LIPG: variants seen among roughly 807,000 people sequenced by gnomAD.
LIPG encodes lipase G, endothelial type.
A neutral mutation model predicts 51.8 loss-of-function variants in LIPG; 34 were observed. That is an observed-to-expected ratio of 0.66 (90% CI 0.50 to 0.87). LIPG has a LOEUF of 0.87. Ranked by LOEUF, LIPG falls within the 40% of genes least tolerant of loss-of-function variation. LIPG has a pLI of 0.00. For missense variants in LIPG, 580 were observed against 652.7 expected, an observed-to-expected ratio of 0.89 and a Z score of 1.21; for synonymous variants, 246 against 246.1, an observed-to-expected ratio of 1.00 and a Z score of 0.00.
intron 6 of LIPG, 94 bp from the exon 7 acceptor site, chr18:49,582,268 C>A (rs1199860509): frequency 3.2e-6 from 5 of 1,544,400 alleles, no homozygotes; most frequent in Non-Finnish European, 4.5e-6. Context: ...AACACCAGCC[C>A]TAAAATCTCT....
chr18:49,581,017 A>T (rs2084812950), intron 5 of LIPG, among the ~76,000 whole-genome samples: 1 of 152,104 alleles, frequency 6.6e-6, no homozygotes, highest in South Asian at 2.1e-4. Context: ...CCAGCACTTT[A>T]GGAGGCGAAG....
At chr18:49,567,757 G>GAATT in intron 3 of LIPG, 136 bp downstream of exon 3, 1 of 825,590 alleles carries the variant, frequency 1.2e-6, no homozygotes. Context: ...AAGTTTTATT[G>GAATT]AATTAAGTAT....
intron 3 of LIPG, among the ~76,000 whole-genome samples, chr18:49,568,977 T>C (rs2084635381): frequency 6.6e-6 from 1 of 152,130 alleles, no homozygotes; most frequent in Non-Finnish European, 1.5e-5. Flanking sequence ...GGGTCCCACA[T>C]GGGCTTGTGA....
chr18:49,583,899 C>T, intron 8 of LIPG, 125 bp downstream of exon 8: 2 of 841,264 alleles, frequency 2.4e-6, no homozygotes, highest in Admixed American at 2.5e-5. Context: ...GGTAAAACTT[C>T]AAACACCTTT....
intron 8 of LIPG, among the ~76,000 whole-genome samples, 195 bp from the exon 9 acceptor site, chr18:49,586,551 G>A (rs960787900): frequency 2.0e-5 from 3 of 152,172 alleles, no homozygotes; most frequent in South Asian, 2.1e-4. Context: ...GCATGAGGCC[G>A]AATCATGGAA....
intron 1 of LIPG, among the ~76,000 whole-genome samples, chr18:49,564,849 A>T (rs78346464): frequency 1.4e-3 from 207 of 152,290 alleles, no homozygotes; most frequent in Middle Eastern, 6.8e-3. Context: ...AAATATTAGG[A>T]TGTTTGATCC....
intron 4 of LIPG, among the ~76,000 whole-genome samples, chr18:49,574,541 G>C (rs2084695433): frequency 6.6e-6 from 1 of 152,082 alleles, no homozygotes; most frequent in Non-Finnish European, 1.5e-5. Flanking sequence ...TCTGCTACCT[G>C]TCCGTTTCCC....
chr18:49,567,625 C>G lies in LIPG; in HGVS notation c.459+4C>G. The G allele has an allele frequency of 6.2e-7, 1 of 1,613,620 alleles. No homozygotes were observed. Among genetic ancestry groups the G allele is most frequent in the South Asian group, 1.1e-5 (1 of 91,056 alleles). On this transcript the variant is annotated splice_donor_region_variant and intron_variant, in intron 3 of 9. Coordinates refer to ENST00000261292, the MANE Select transcript of LIPG (RefSeq NM_006033.4). Reference sequence around the variant, plus strand: ...CAGGATGCTCGACTGGCTGCAGGTACTGGGGGATGAGAGGGAGTCTCCTGT... The same window carrying G: ...CAGGATGCTCGACTGGCTGCAGGTAGTGGGGGATGAGAGGGAGTCTCCTGT...
At chr18:49,569,596 C>A (rs551465253) in intron 4 of LIPG, 48 bp downstream of exon 4, 3 of 1,423,200 alleles carry the variant, frequency 2.1e-6, no homozygotes, top group African/African-American at 1.4e-5. Flanking sequence ...TGCGCTAAGC[C>A]GGAATGCTCC....
chr18:49,579,764 C>CTTTTCTTTTCT (rs1555778417), intron 5 of LIPG, among the ~76,000 whole-genome samples: 2 of 112,204 alleles, frequency 1.8e-5, no homozygotes, highest in Non-Finnish European at 3.4e-5. Context: ...CTTTCCTTTC[C>CTTTTCTTTTCT]TTTCTTTTCT....
In LIPG at chr18:49,586,825, G is replaced by A. The variant is rs886512446; in HGVS notation, c.1456G>A (p.Gly486Ser). Residue 486 changes from glycine (G) to serine (S), a missense_variant, in exon 9 of 10, where the codon GGC becomes AGC. Transcript: ENST00000261292. ...RELWFRKCRDGWRMKNETSPT... is the reference protein window; with the variant it reads ...RELWFRKCRDSWRMKNETSPT... ...GCTCTGGTTTCGCAAGTGTCGGGAT[G>A]GCTGGAGGATGAAAAACGAAACCAG... is the stretch of plus-strand genomic sequence containing the variant. 1.2e-6 allele frequency: 2 copies of A among 1,613,994 alleles called. No homozygotes were observed. The highest frequency in any genetic ancestry group is 2.7e-5 in the African/African-American group (2 of 74,926).
chr18:49,585,379 C>G (rs1045702179), intron 8 of LIPG, among the ~76,000 whole-genome samples: 41 of 152,204 alleles, frequency 2.7e-4, no homozygotes, highest in African/African-American at 9.2e-4. Flanking sequence ...GTACTTCTGT[C>G]TGTGTACATA....
At chr18:49,580,145 A>G (rs1026854956) in intron 5 of LIPG, among the ~76,000 whole-genome samples, 2 of 152,150 alleles carry the variant, frequency 1.3e-5, no homozygotes, top group Admixed American at 6.6e-5. Flanking sequence ...GCTGGTGCCA[A>G]TGAGGCAGGG....
chr18:49,577,668 C>G (rs1352607557), intron 5 of LIPG, among the ~76,000 whole-genome samples: 24 of 111,934 alleles, frequency 2.1e-4, no homozygotes, highest in Admixed American at 9.0e-4. Flanking sequence ...ACCTCCCTCC[C>G]GGACGGCACG....
At chr18:49,575,841 C>CTT (rs1301704194) in intron 5 of LIPG, among the ~76,000 whole-genome samples, 2 of 141,886 alleles carry the variant, frequency 1.4e-5, no homozygotes, top group African/African-American at 5.2e-5. Context: ...CTTTTTCTTT[C>CTT]TTTTTTTTTT....
At position 49,562,275 on chromosome 18, in the gene LIPG, TTC is replaced by T. The variant is rs754618029; in HGVS notation, c.-32_-31del. On this transcript the variant is annotated 5_prime_UTR_variant, in exon 1 of 10. Transcript: ENST00000261292. ...AGAGGTGGTTTTTGTTTTTTAAAAC[TTC>T]TGTTTCTTGGGAGGGGGTGTGGCGG... is the stretch of plus-strand genomic sequence containing the variant. The T allele has an allele frequency of 4.3e-6, 7 of 1,612,602 alleles. No individual in the cohort carries two copies. In the African/African-American group the frequency reaches 5.3e-5, roughly 12 times the overall value.
At position 49,562,116 on chromosome 18, in the gene LIPG, G is replaced by A; in HGVS notation, c.-193G>A. 3 of 1,456,126 alleles carry A rather than the reference G, an allele frequency of 2.1e-6. No homozygotes were observed. Among genetic ancestry groups the A allele is most frequent in the Non-Finnish European group, 2.7e-6 (3 of 1,112,128 alleles). 90.2% of individuals were successfully genotyped at this position (1,456,126 alleles called of 1,614,324 possible). A position where few individuals can be genotyped will look rare whatever the true frequency, so the allele number is the denominator to read the frequency against. ...GAGGGCAGATCTCGTTCTGGGGCAA[G>A]CCGTTGACACTCGCTCCCTGCCACC... is the stretch of plus-strand genomic sequence containing the variant. On this transcript the variant is annotated 5_prime_UTR_variant, in exon 1 of 10. Transcript: ENST00000261292.
rs72642486 is a variant in LIPG at position 49,564,858 on chromosome 18, C to T, written c.98-459C>T. Among the ~76,000 whole-genome samples the T allele has an allele frequency of 1.0e-3, 153 of 152,222 alleles. 2 individuals carry two copies. The East Asian group carries it at 0.026, about 26-fold the overall frequency. Reference sequence around the variant, plus strand: ...CTGCAGAAATATTAGGATGTTTGATCCAGGGGGAATAGCCCAGGCCCCACT... The same window carrying T: ...CTGCAGAAATATTAGGATGTTTGATTCAGGGGGAATAGCCCAGGCCCCACT... On this transcript the variant is annotated intron_variant, in intron 1 of 9. Transcript: ENST00000261292.
chr18:49,572,290 A>G (rs762204810), intron 4 of LIPG, among the ~76,000 whole-genome samples: 19 of 152,136 alleles, frequency 1.2e-4, no homozygotes, highest in Non-Finnish European at 2.5e-4. Flanking sequence ...ACTGCACTCC[A>G]GGCTGGGTGA....
Sources: gnomAD v4.1 joint callset for allele counts (sites outside exome capture counted in the v4.1 genomes callset) on GRCh38, gnomAD v4.1.1 for gene constraint, MANE v1.5 for transcripts, NCBI Gene and HGNC (gene_info 2026-07-23, HGNC 2026-07-21) for gene names.